Variants in SOX5 observed in about 807,000 individuals in gnomAD.
The protein encoded by SOX5 is SRY-box transcription factor 5.
Under a neutral mutation model 92.0 loss-of-function variants are expected in SOX5, and 9 were observed. That is an observed-to-expected ratio of 0.10 (90% CI 0.06 to 0.17). The LOEUF is 0.17. Ranked by LOEUF, SOX5 falls within the 10% of genes least tolerant of loss-of-function variation. The pLI is 1.00. For missense variants in SOX5, 642 were observed against 944.5 expected, an observed-to-expected ratio of 0.68 and a Z score of 4.20; for synonymous variants, 344 against 336.3, an observed-to-expected ratio of 1.02 and a Z score of -0.25.
At chr12:24,379,249 T>G (rs1417330112) in intron 1 of SOX5, among the ~76,000 whole-genome samples, 1 of 152,184 alleles carries the variant, frequency 6.6e-6, no homozygotes, top group East Asian at 1.9e-4. Context: ...TAGTCATGTT[T>G]GAGTGAAAGT....
intron 2 of SOX5, among the ~76,000 whole-genome samples, chr12:23,854,055 C>T (rs893264668): frequency 5.9e-5 from 9 of 151,882 alleles, no homozygotes; most frequent in Admixed American, 5.3e-4. Flanking sequence ...GACTAAATAT[C>T]TATTCACTCT....
At chr12:24,349,529 A>G (rs1204818995) in intron 2 of SOX5, among the ~76,000 whole-genome samples, 6 of 152,172 alleles carry the variant, frequency 3.9e-5, no homozygotes, top group African/African-American at 7.2e-5. Flanking sequence ...TCTCAAAGAC[A>G]GTATTTGTCT....
At chr12:24,553,396 T>C (rs1276657370) in intron 1 of SOX5, among the ~76,000 whole-genome samples, 1 of 152,184 alleles carries the variant, frequency 6.6e-6, no homozygotes, top group Non-Finnish European at 1.5e-5. Flanking sequence ...GCACCCCTCC[T>C]GGAACACAGT....
rs1365660163 is a variant in SOX5, at chr12:23,529,788, T to A, written c.*4431A>T. 1 of 152,188 alleles carries A rather than the reference T, an allele frequency of 6.6e-6. No homozygotes were observed. Among genetic ancestry groups the A allele is most frequent in the African/African-American group, 2.4e-5 (1 of 41,454 alleles). 9.4% of individuals were successfully genotyped at this position (152,188 alleles called of 1,614,324 possible). A position where few individuals can be genotyped will look rare whatever the true frequency, so the allele number is the denominator to read the frequency against. The stretch of plus-strand genomic sequence containing the variant: ...TATGTTATATTTACATAATTACTTA[T>A]TATTTTATTAAATTTCAAGTGAGAT... On this transcript the variant is annotated 3_prime_UTR_variant, in exon 15 of 15. Coordinates refer to ENST00000451604, the MANE Select transcript of SOX5 (RefSeq NM_006940.6).
rs77500022 is a variant in SOX5, at chr12:23,644,780, T to C, written c.932-3883A>G. ...CTATCCAATTTTATAATAGGACATT[T>C]AGATATTTAAAAGCTAAATTCATGC... On this transcript the variant is annotated intron_variant, in intron 7 of 14. Transcript: ENST00000451604. Among the ~76,000 whole-genome samples the C allele has an allele frequency of 5.8e-3, 885 of 152,320 alleles. 8 individuals are homozygous for C. The highest frequency in any genetic ancestry group is 0.02 in the African/African-American group (828 of 41,566).
At chr12:24,536,905 G>A (rs181662659) in intron 1 of SOX5, among the ~76,000 whole-genome samples, 35 of 152,204 alleles carry the variant, frequency 2.3e-4, no homozygotes, top group African/African-American at 6.5e-4. Context: ...TCATCTTCTC[G>A]TCATTCAGCA....
intron 4 of SOX5, among the ~76,000 whole-genome samples, chr12:23,980,895 T>C (rs1170324955): frequency 6.6e-6 from 1 of 152,138 alleles, no homozygotes; most frequent in Non-Finnish European, 1.5e-5. Flanking sequence ...TGGTTCTGCG[T>C]CCCCAGCATG....
intron 1 of SOX5, among the ~76,000 whole-genome samples, chr12:24,441,066 T>A (rs1940484425): frequency 6.6e-6 from 1 of 152,182 alleles, no homozygotes; most frequent in African/African-American, 2.4e-5. Context: ...ACATTCACTT[T>A]TATCCACTGG....
At chr12:24,411,520 CTG>C in intron 1 of SOX5, among the ~76,000 whole-genome samples, 1 of 152,206 alleles carries the variant, frequency 6.6e-6, no homozygotes, top group Non-Finnish European at 1.5e-5. Flanking sequence ...TCATAAATGT[CTG>C]TGGAATTTTG....
At chr12:24,259,737 A>G (rs1941805661) in intron 3 of SOX5, among the ~76,000 whole-genome samples, 1 of 152,236 alleles carries the variant, frequency 6.6e-6, no homozygotes, top group Non-Finnish European at 1.5e-5. Context: ...CATTACTAAA[A>G]CATTCAAGTT....
chr12:24,362,088 G>A (rs570924369), intron 2 of SOX5, among the ~76,000 whole-genome samples: 5 of 152,328 alleles, frequency 3.3e-5, no homozygotes, highest in Admixed American at 6.5e-5. Flanking sequence ...GGGTGGGTAA[G>A]TCAACTATGC....
chr12:23,914,952 A>G (rs1462912762), intron 1 of SOX5, among the ~76,000 whole-genome samples: 1 of 152,148 alleles, frequency 6.6e-6, no homozygotes, highest in Non-Finnish European at 1.5e-5. Context: ...CTCATTTTTC[A>G]ATCTAATGAA....
intron 4 of SOX5, among the ~76,000 whole-genome samples, chr12:24,117,875 C>G (rs934165026): frequency 2.6e-5 from 4 of 151,842 alleles, no homozygotes; most frequent in African/African-American, 9.7e-5. Context: ...CAAAAATTAG[C>G]TGGGCGTGAT....
In SOX5 at chr12:24,169,747, A is replaced by G. The variant is rs545331060; in HGVS notation, c.-2+43596T>C. On this transcript the variant is annotated intron_variant, in intron 4 of 4. Coordinates refer to the SOX5 transcript ENST00000446891. ...GCGATGCTGCATAATGGTAGCCTTGAGCAAATTATTCCCCTCAAAGATATC... is the reference window on the plus strand; with the variant it reads ...GCGATGCTGCATAATGGTAGCCTTGGGCAAATTATTCCCCTCAAAGATATC... Among the ~76,000 whole-genome samples the G allele has an allele frequency of 1.6e-4, 25 of 152,342 alleles. No individual in the cohort carries two copies. In the East Asian group the frequency reaches 4.6e-3, roughly 28 times the overall value.
At chr12:24,361,616 T>TGTGTGTGTGTGTGTGTGCGC in intron 2 of SOX5, among the ~76,000 whole-genome samples, 1 of 151,426 alleles carries the variant, frequency 6.6e-6, no homozygotes, top group Non-Finnish European at 1.5e-5. Context: ...AGGTTTTGTG[T>TGTGTGTGTGTGTGTGTGCGC]GTGTGTGTGT....
At chr12:23,578,116 T>TAAAA (rs1949468581) in intron 9 of SOX5, among the ~76,000 whole-genome samples, 1 of 8,152 alleles carries the variant, frequency 1.2e-4, no homozygotes, top group African/African-American at 4.3e-4. Context: ...TGAGACTGTG[T>TAAAA]CAAAAAAAAA....
At chr12:24,022,092 A>G (rs952545205) in intron 4 of SOX5, among the ~76,000 whole-genome samples, 1 of 152,210 alleles carries the variant, frequency 6.6e-6, no homozygotes, top group African/African-American at 2.4e-5. Flanking sequence ...TCTTGCTGAC[A>G]TGGTCTTTAC....
intron 4 of SOX5, among the ~76,000 whole-genome samples, chr12:24,211,776 C>A (rs1958643394): frequency 5.9e-5 from 9 of 152,112 alleles, no homozygotes; most frequent in Admixed American, 5.9e-4. Flanking sequence ...TTGATTGGAC[C>A]AAGTTTCTTT....
intron 9 of SOX5, among the ~76,000 whole-genome samples, chr12:23,600,112 C>T (rs558767938): frequency 3.9e-4 from 60 of 152,128 alleles, no homozygotes; most frequent in Admixed American, 1.2e-3. Context: ...GTGATTCAAA[C>T]GTCAATACTG....
Sources: allele counts gnomAD v4.1 joint callset (sites outside exome capture counted in the v4.1 genomes callset), GRCh38; gene constraint gnomAD v4.1.1; transcripts MANE v1.5; gene names NCBI Gene and HGNC (gene_info 2026-07-23, HGNC 2026-07-21).